The following MCTP1 variants were observed in gnomAD, a reference collection of about 807,000 sequenced individuals.
The protein encoded by MCTP1 is multiple C2 and transmembrane domain-containing protein 1.
Under a neutral mutation model 120.6 loss-of-function variants are expected in MCTP1, and 69 were observed. The ratio of observed to expected loss-of-function variants is 0.57; its 90% CI spans 0.47 to 0.70. MCTP1 has a LOEUF of 0.70. MCTP1 is among the 30% of genes least tolerant of loss of function. MCTP1 has a pLI of 0.00. For synonymous variants in MCTP1, 529 were observed against 493.1 expected, an observed-to-expected ratio of 1.07 and a Z score of -0.96; for missense variants, 1,203 against 1,248.8, an observed-to-expected ratio of 0.96 and a Z score of 0.55.
At chr5:95,100,309 G>C (rs545128887) in intron 1 of MCTP1, among the ~76,000 whole-genome samples, 1 of 152,160 alleles carries the variant, frequency 6.6e-6, no homozygotes, top group African/African-American at 2.4e-5. Flanking sequence ...TTTGCTTCAT[G>C]ATATTTTGTT....
intron 19 of MCTP1, among the ~76,000 whole-genome samples, chr5:94,762,665 T>TGA (rs1199850905): frequency 1.3e-5 from 2 of 152,198 alleles, no homozygotes; most frequent in Admixed American, 6.5e-5. Context: ...TCTACATGGG[T>TGA]CAACAGGCTT....
At chr5:95,199,006 T>C (rs560091750) in intron 1 of MCTP1, among the ~76,000 whole-genome samples, 6 of 152,338 alleles carry the variant, frequency 3.9e-5, no homozygotes, top group African/African-American at 1.2e-4. Context: ...TATTAAGATT[T>C]TTTTCTCTAG....
chr5:94,891,301 G>T lies in MCTP1; in HGVS notation c.1840-2329C>A, dbSNP rs187596149. 1.7e-3 allele frequency among the ~76,000 whole-genome samples: 256 copies of T among 152,240 alleles called. 1 individual carries two copies. Among genetic ancestry groups the T allele is most frequent in the African/African-American group, 5.7e-3 (238 of 41,544 alleles). Reference sequence around the variant, plus strand: ...CCATTTAAATTCCTGTAAATGAAGGGTTTCACTGTGGGGGCGTTAGACAAC... The same window carrying T: ...CCATTTAAATTCCTGTAAATGAAGGTTTTCACTGTGGGGGCGTTAGACAAC... On this transcript the variant is annotated intron_variant, in intron 11 of 22. Transcript: ENST00000515393.
intron 2 of MCTP1, among the ~76,000 whole-genome samples, chr5:94,964,528 C>T (rs1825136382): frequency 6.6e-6 from 1 of 152,280 alleles, no homozygotes; most frequent in South Asian, 2.1e-4. Context: ...TTTGTAGGTG[C>T]TCCAATTTTG....
intron 1 of MCTP1, among the ~76,000 whole-genome samples, chr5:95,085,016 T>A (rs1033437384): frequency 2.0e-5 from 3 of 152,140 alleles, no homozygotes; most frequent in Non-Finnish European, 4.4e-5. Flanking sequence ...TGGCTCTATT[T>A]TATTCTCTAA....
intron 1 of MCTP1, among the ~76,000 whole-genome samples, chr5:95,138,500 G>A (rs752502486): frequency 2.6e-5 from 4 of 152,076 alleles, no homozygotes; most frequent in South Asian, 2.1e-4. Flanking sequence ...TGTTCTTTCC[G>A]TTTAAGTTTC....
At chr5:95,238,944 C>G (rs149870696) in intron 1 of MCTP1, among the ~76,000 whole-genome samples, 5 of 152,266 alleles carry the variant, frequency 3.3e-5, no homozygotes, top group Admixed American at 3.3e-4. Context: ...TGAATGGCAT[C>G]CTTTTTGATT....
At chr5:95,218,212 C>T (rs1422573331) in intron 1 of MCTP1, among the ~76,000 whole-genome samples, 2 of 152,156 alleles carry the variant, frequency 1.3e-5, no homozygotes, top group Admixed American at 1.3e-4. Context: ...TTTGACAGAG[C>T]AAGAGTAGAT....
chr5:94,915,286 A>G (rs1809762588), intron 8 of MCTP1, among the ~76,000 whole-genome samples: 1 of 152,150 alleles, frequency 6.6e-6, no homozygotes, highest in African/African-American at 2.4e-5. Flanking sequence ...GAACCCCAAT[A>G]TTTCTCATCT....
chr5:95,144,050 C>T (rs1760163465), intron 1 of MCTP1, among the ~76,000 whole-genome samples: 2 of 152,212 alleles, frequency 1.3e-5, no homozygotes, highest in African/African-American at 4.8e-5. Flanking sequence ...TCCCTTTTCT[C>T]TGCAGCCTAA....
intron 10 of MCTP1, among the ~76,000 whole-genome samples, chr5:94,901,013 A>G (rs1240013236): frequency 6.6e-6 from 1 of 152,244 alleles, no homozygotes; most frequent in Non-Finnish European, 1.5e-5. Context: ...CAATTAATGA[A>G]TCAACAGAAT....
At chr5:94,925,548 A>C (rs1170432182) in intron 6 of MCTP1, among the ~76,000 whole-genome samples, 3 of 152,016 alleles carry the variant, frequency 2.0e-5, no homozygotes, top group Admixed American at 1.3e-4. Flanking sequence ...AGCTGGGACT[A>C]CAGGTGCGCG....
intron 17 of MCTP1, among the ~76,000 whole-genome samples, chr5:94,838,998 A>C (rs1252322188): frequency 6.6e-6 from 1 of 152,202 alleles, no homozygotes; most frequent in African/African-American, 2.4e-5. Flanking sequence ...TATTAGTCCC[A>C]GAATATTTAA....
At chr5:94,810,791 G>A (rs1196476885) in intron 17 of MCTP1, among the ~76,000 whole-genome samples, 4 of 152,026 alleles carry the variant, frequency 2.6e-5, no homozygotes, top group Non-Finnish European at 5.9e-5. Flanking sequence ...TATCTTCCCT[G>A]GGCTACTGAT....
intron 1 of MCTP1, among the ~76,000 whole-genome samples, chr5:95,263,055 T>C (rs532393369): frequency 6.6e-6 from 1 of 152,288 alleles, no homozygotes; most frequent in South Asian, 2.1e-4. Flanking sequence ...GGCTAAGCCT[T>C]ATGAAAACAT....
chr5:95,031,176 A>AG (rs1840213732), intron 1 of MCTP1, among the ~76,000 whole-genome samples: 1 of 152,134 alleles, frequency 6.6e-6, no homozygotes, highest in African/African-American at 2.4e-5. Flanking sequence ...GCAGTCTGAG[A>AG]GAAAAAAAAA....
At chr5:94,813,414 T>A (rs1783850770) in intron 17 of MCTP1, among the ~76,000 whole-genome samples, 1 of 152,154 alleles carries the variant, frequency 6.6e-6, no homozygotes, top group Non-Finnish European at 1.5e-5. Context: ...GTTAGTTTCT[T>A]AAAAATGTAA....
At chr5:95,158,729 C>A (rs1487845848) in intron 1 of MCTP1, among the ~76,000 whole-genome samples, 3 of 151,188 alleles carry the variant, frequency 2.0e-5, no homozygotes, top group South Asian at 2.1e-4. Context: ...AGTTCATGAC[C>A]AGCCTGGGCA....
intron 1 of MCTP1, among the ~76,000 whole-genome samples, chr5:95,057,514 A>G (rs1263132824): frequency 6.6e-6 from 1 of 152,216 alleles, no homozygotes; most frequent in Non-Finnish European, 1.5e-5. Flanking sequence ...CACTTAGCAA[A>G]TAAGAAAGGC....
Sources: gnomAD v4.1 joint callset for allele counts (sites outside exome capture counted in the v4.1 genomes callset) on GRCh38, gnomAD v4.1.1 for gene constraint, MANE v1.5 for transcripts, NCBI Gene and HGNC (gene_info 2026-07-23, HGNC 2026-07-21) for gene names.